The following LCT variants were observed in gnomAD, a reference collection of about 807,000 sequenced individuals.
LCT encodes the protein lactase, also known as lactase/phlorizin hydrolase.
In LCT, 90 loss-of-function variants were observed where a neutral mutation model predicts 173.0. That is an observed-to-expected ratio of 0.52 (90% CI 0.44 to 0.62). The LOEUF (loss-of-function observed/expected upper bound fraction) is 0.62, where lower values mean the gene tolerates loss of function less well. LCT is among the 20% of genes least tolerant of loss of function. LCT has a pLI of 0.00. For synonymous variants in LCT, 853 were observed against 957.6 expected (o/e 0.89, Z 2.02); for missense variants, 1,864 against 2,431.4 (o/e 0.77, Z 4.91).
In LCT at chr2:135,808,498, C is replaced by T. The variant is rs760535365; in HGVS notation, c.3849G>A (p.Thr1283=). ...GGTAAAATATCCTATCAGTATCCTC[C>T]GTGTTCGGATTGGTCAGCCCCACTC... The part of the protein sequence containing the change: ...ENGVGLTNPN[T]EDTDRIFYHK... Residue 1283 remains threonine (T), a synonymous_variant, in exon 8 of 17, where the codon ACG becomes ACA. Coordinates refer to ENST00000264162, the MANE Select transcript of LCT (RefSeq NM_002299.4). 9.9e-6 allele frequency: 16 copies of T among 1,614,070 alleles called. No individual in the cohort carries two copies. The highest frequency in any genetic ancestry group is 8.0e-5 in the African/African-American group (6 of 74,924).
intron 2 of LCT, among the ~76,000 whole-genome samples, chr2:135,832,071 C>T (rs1399611863): frequency 6.6e-6 from 1 of 151,410 alleles, no homozygotes; most frequent in African/African-American, 2.4e-5. Flanking sequence ...ACAAAATTAG[C>T]CGGGCGTGGT....
intron 14 of LCT, among the ~76,000 whole-genome samples, chr2:135,792,867 C>T (rs2077543631): frequency 1.3e-5 from 2 of 152,144 alleles, no homozygotes; most frequent in Admixed American, 1.3e-4. Flanking sequence ...CCGCCCATAA[C>T]CTGAGAAACC....
chr2:135,829,170 A>G (rs1049151105), intron 3 of LCT, among the ~76,000 whole-genome samples: 1 of 152,090 alleles, frequency 6.6e-6, no homozygotes. Flanking sequence ...CAGCCTGGGC[A>G]ACCGAGGAAG....
At chr2:135,825,588 A>G (rs79738098) in intron 3 of LCT, among the ~76,000 whole-genome samples, 1,930 of 152,060 alleles carry the variant, frequency 0.013, 43 homozygotes, top group African/African-American at 0.044. Flanking sequence ...GCTTTTTCTG[A>G]TAAGTGGATG....
intron 16 of LCT, 37 bp from the exon 17 acceptor site, chr2:135,788,581 C>A: frequency 7.4e-7 from 1 of 1,342,844 alleles, no homozygotes; most frequent in Non-Finnish European, 1.1e-6. Flanking sequence ...GGTGCTCTGG[C>A]GCTGATTTGA....
Position 135,836,778 on chromosome 2 carries a change from AG to A in LCT, c.391del (p.Leu131CysfsTer35), listed in dbSNP as rs753170188. 2 of 1,614,202 alleles carry A rather than the reference AG, an allele frequency of 1.2e-6. No homozygotes were observed. The highest frequency in any genetic ancestry group is 1.7e-6 in the Non-Finnish European group (2 of 1,180,026). On this transcript the variant is annotated frameshift_variant, in exon 1 of 17. Coordinates refer to ENST00000264162, the MANE Select transcript of LCT (RefSeq NM_002299.4). LOFTEE classifies it high-confidence loss of function. ...KTARLQPMVI[L>X]HHQTLPASTL... is the part of the protein sequence containing the mutation. The stretch of plus-strand genomic sequence containing the variant: ...GCTGGCAGGGAGGGTCTGGTGGTGC[AG>A]GATGACCATGGGCTGAAGCCGTGCA...
chr2:135,823,356 T>A (rs918273763), intron 4 of LCT, among the ~76,000 whole-genome samples: 1 of 152,216 alleles, frequency 6.6e-6, no homozygotes, highest in Admixed American at 6.5e-5. Flanking sequence ...TCCTGATCCA[T>A]GGCCAACAAT....
intron 14 of LCT, among the ~76,000 whole-genome samples, chr2:135,793,068 AAAC>A (rs1043915181): frequency 5.3e-5 from 8 of 152,360 alleles, no homozygotes; most frequent in Non-Finnish European, 1.2e-4. Flanking sequence ...AAGAAAGAGA[AAAC>A]AACAACTAAT....
chr2:135,813,775 C>T (rs983738423), intron 6 of LCT, among the ~76,000 whole-genome samples: 9 of 152,316 alleles, frequency 5.9e-5, no homozygotes, highest in African/African-American at 2.2e-4. Flanking sequence ...AATTAGCACA[C>T]AAGGGAGAGG....
chr2:135,831,903 A>AT lies in LCT; in HGVS notation c.720+1207dup, dbSNP rs1317134579. Among the ~76,000 whole-genome samples the AT allele has an allele frequency of 2.6e-5, 4 of 152,288 alleles. No homozygotes were observed. The East Asian group carries it at 7.7e-4, about 29-fold the overall frequency. The stretch of plus-strand genomic sequence containing the variant: ...CCCAAAGCTGTTCACTTCCCAGATT[A>AT]TTTTAATTTTTCTTTTAAAAATTAT... On this transcript the variant is annotated intron_variant, in intron 2 of 16. Transcript: ENST00000264162.
In LCT at chr2:135,815,667, G is replaced by C. The variant is rs150879904; in HGVS notation, c.1707+1674C>G. On this transcript the variant is annotated intron_variant, in intron 6 of 16. Transcript: ENST00000264162. Reference sequence around the variant, plus strand: ...GTGACCCCTCTTTAACACCTAGCACGGGACACAGGAAATAGTATTATTATT... The same window carrying C: ...GTGACCCCTCTTTAACACCTAGCACCGGACACAGGAAATAGTATTATTATT... 1.9e-3 allele frequency among the ~76,000 whole-genome samples: 288 copies of C among 151,114 alleles called. 2 individuals are homozygous for C. The highest frequency in any genetic ancestry group is 6.8e-3 in the African/African-American group (279 of 41,094).
In LCT at chr2:135,804,816, T is replaced by C; in HGVS notation, c.4415A>G (p.Tyr1472Cys). The C allele has an allele frequency of 1.9e-6, 3 of 1,613,670 alleles. No homozygotes were observed. The highest frequency in any genetic ancestry group is 2.5e-6 in the Non-Finnish European group (3 of 1,180,026). ...CAGTGTATCGATGAGCCTCACGTAG[T>C]AGTTCAGGCCCGCTTCATTGATGTA... ...TRYINEAGLNYYVRLIDTLLA... is the reference protein window; with the variant it reads ...TRYINEAGLNCYVRLIDTLLA... The change falls in exon 10 of 17, where the codon TAC becomes TGC. Residue 1472 changes from tyrosine to cysteine, a missense_variant. Around this residue, in one of 4 missense-constraint regions of LCT, gnomAD observed 514 missense variants for 750.1 expected, o/e 0.69. Transcript: ENST00000264162.
intron 6 of LCT, among the ~76,000 whole-genome samples, chr2:135,814,643 A>G (rs967248665): frequency 1.5e-4 from 23 of 151,690 alleles, no homozygotes; most frequent in Admixed American, 1.3e-3. Context: ...CATCCTCCAG[A>G]GTAGCTGGGA....
Position 135,824,005 on chromosome 2 carries a change from T to C in LCT, c.805-2A>G. On this transcript the variant is annotated splice_acceptor_variant, in intron 3 of 16. Transcript: ENST00000264162. LOFTEE classifies it high-confidence loss of function. ...AACTTTCACTTTTGGCTCAATGGTC[T>C]GAAAAAGAGAAGGACCAGCAAGTGA... 6.2e-7 allele frequency: 1 copy of C among 1,602,922 alleles called. No homozygotes were observed.
rs1301549687 is a variant in LCT, at chr2:135,824,983, G to A, written c.805-980C>T. ...CTTCAGTCTGGGCAACAAGAGCCAG[G>A]CTCCATCTCAAAAAAAAAAAAAAAA... On this transcript the variant is annotated intron_variant, in intron 3 of 16. Transcript: ENST00000264162. 8.3e-5 allele frequency among the ~76,000 whole-genome samples: 11 copies of A among 132,272 alleles called. 1 individual carries two copies. Among genetic ancestry groups the A allele is most frequent in the Non-Finnish European group, 1.8e-4 (11 of 61,134 alleles). 86.8% of individuals were successfully genotyped at this position (132,272 alleles called of 152,430 possible). A position where few individuals can be genotyped will look rare whatever the true frequency, so the allele number is the denominator to read the frequency against.
chr2:135,824,679 T>C (rs369935026), intron 3 of LCT, among the ~76,000 whole-genome samples: 6 of 152,172 alleles, frequency 3.9e-5, no homozygotes, highest in African/African-American at 1.4e-4. Flanking sequence ...CTTTTTACTT[T>C]TGGATGTTAG....
rs200097290 is a variant in LCT, at chr2:135,817,463, T to C, written c.1585A>G (p.Thr529Ala). ...FLDYAAFCFS[T>A]FGDRVKLWVT... ...CACAGCTTCACACGGTCCCCAAATG[T>C]GGAGAAGCAGAAGGCCGCATAGTCC... The change falls in exon 6 of 17, where the codon ACA (threonine) becomes GCA (alanine). Residue 529 changes from threonine to alanine, a missense_variant. Physicochemically the swap from Thr to Ala is moderately conservative, Grantham distance 58. Around this residue, in one of 4 missense-constraint regions of LCT, gnomAD observed 183 missense variants for 293.1 expected, o/e 0.62. Coordinates refer to ENST00000264162, the MANE Select transcript of LCT (RefSeq NM_002299.4). 10 of 1,614,048 alleles carry C rather than the reference T, an allele frequency of 6.2e-6. No homozygotes were observed. The highest frequency in any genetic ancestry group is 1.3e-5 in the African/African-American group (1 of 75,002).
intron 5 of LCT, among the ~76,000 whole-genome samples, chr2:135,818,723 G>A (rs1329101481): frequency 6.6e-6 from 1 of 152,226 alleles, no homozygotes; most frequent in Non-Finnish European, 1.5e-5. Context: ...TGTAATCCCA[G>A]CTACTCAGGA....
At chr2:135,802,417 GT>G (rs2077634588) in intron 11 of LCT, among the ~76,000 whole-genome samples, 1 of 152,162 alleles carries the variant, frequency 6.6e-6, no homozygotes, top group Non-Finnish European at 1.5e-5. Flanking sequence ...TGACCTCTGT[GT>G]TTATTGCATC....
Sources: allele counts gnomAD v4.1 joint callset (sites outside exome capture counted in the v4.1 genomes callset), GRCh38; gene constraint gnomAD v4.1.1; regional missense constraint gnomAD v4.1.1; transcripts MANE v1.5; gene names NCBI Gene and HGNC (gene_info 2026-07-23, HGNC 2026-07-21).